Variants in PDPK1 observed in about 807,000 individuals in gnomAD.
The protein encoded by PDPK1 is 3-phosphoinositide-dependent protein kinase 1.
In PDPK1, 7 loss-of-function variants were observed where a neutral mutation model predicts 39.8. That is an observed-to-expected ratio of 0.18 (90% CI 0.10 to 0.33). PDPK1 has a LOEUF of 0.33. Among genes scored for constraint, PDPK1 ranks in the 10% least tolerant of loss-of-function variants. The pLI, the probability that PDPK1 is intolerant of heterozygous loss-of-function variation, is 1.00. For missense variants in PDPK1, 182 were observed against 384.7 expected (o/e 0.47, Z 4.41); for synonymous variants, 118 against 159.1 (o/e 0.74, Z 1.95).
At chr16:2,553,073 C>T (rs1329867270) in intron 1 of PDPK1, among the ~76,000 whole-genome samples, 1 of 145,804 alleles carries the variant, frequency 6.9e-6, no homozygotes, top group Non-Finnish European at 1.5e-5. Flanking sequence ...GTGATCAGGT[C>T]ATAACCAGGG....
chr16:2,597,164 A>T lies in PDPK1; in HGVS notation c.1443A>T (p.Gly481=). 1 of 1,574,854 alleles carries T rather than the reference A, an allele frequency of 6.3e-7. No individual in the cohort carries two copies. The highest frequency in any genetic ancestry group is 8.7e-7 in the Non-Finnish European group (1 of 1,151,546). ...ARRRQLLLTE[G]PHLYYVDPVN... The stretch of plus-strand genomic sequence containing the variant: ...GACGACAGCTGTTGCTCACAGAAGG[A>T]CCACATTTATATTATGTGGATCCTG... The change falls in exon 13 of 14, where the codon GGA becomes GGT. Residue 481 remains glycine, a synonymous_variant. Transcript: ENST00000342085. The surrounding 1 kb of genome is among the most constrained non-coding windows in gnomAD (Gnocchi z 6.3).
rs2067255564 is a variant in PDPK1, at chr16:2,603,181, A to AGAG, written c.*5415_*5417dup. ...AGTAGTCTTGTAATAAAAAGCATGT[A>AGAG]GAGTGTAGAGGTTTGCTGGCGTGGC... On this transcript the variant is annotated 3_prime_UTR_variant, in exon 14 of 14. Transcript: ENST00000342085. 4.7e-6 allele frequency: 1 copy of AGAG among 212,474 alleles called. No homozygotes were observed. The highest frequency in any genetic ancestry group is 9.5e-6 in the Non-Finnish European group (1 of 104,944). 13.2% of individuals were successfully genotyped at this position (212,474 alleles called of 1,614,324 possible).
intron 10 of PDPK1, among the ~76,000 whole-genome samples, chr16:2,585,098 G>T (rs971832613): frequency 6.6e-6 from 1 of 152,230 alleles, no homozygotes; most frequent in Non-Finnish European, 1.5e-5. Context: ...GGCTTCAGTT[G>T]TCTCCAGTCT....
chr16:2,585,095 G>C (rs544475065), intron 10 of PDPK1, among the ~76,000 whole-genome samples: 43 of 152,370 alleles, frequency 2.8e-4, no homozygotes, highest in Middle Eastern at 3.4e-3. Flanking sequence ...ACAGGCTTCA[G>C]TTGTCTCCAG....
At chr16:2,592,924 G>A (rs535337232) in intron 11 of PDPK1, 32 of 456,568 alleles carry the variant, frequency 7.0e-5, no homozygotes, top group African/African-American at 3.4e-4. Context: ...CTGCCTCCCC[G>A]TGGTGCTGGC....
Position 2,599,126 on chromosome 16 carries a change from A to G in PDPK1, c.*1359A>G, listed in dbSNP as rs941366520. The G allele has an allele frequency of 7.3e-5, 17 of 233,298 alleles. No homozygotes were observed. Among genetic ancestry groups the G allele is most frequent in the Non-Finnish European group, 1.3e-4 (15 of 118,158 alleles). 14.5% of individuals were successfully genotyped at this position (233,298 alleles called of 1,614,324 possible). ...GGCCAGATGCATTTGTCCTTTGCCTAGCTACTCCCCAGGTAGAGAGTGCTC... is the reference window on the plus strand; with the variant it reads ...GGCCAGATGCATTTGTCCTTTGCCTGGCTACTCCCCAGGTAGAGAGTGCTC... On this transcript the variant is annotated 3_prime_UTR_variant, in exon 14 of 14. Transcript: ENST00000342085.
chr16:2,544,635 G>A (rs1201812097), intron 1 of PDPK1, among the ~76,000 whole-genome samples: 5 of 151,952 alleles, frequency 3.3e-5, no homozygotes, highest in Admixed American at 3.3e-4. Context: ...CCAAGTTGGA[G>A]TGCAGTGGCG....
In PDPK1 at chr16:2,573,801, T is replaced by A. The variant is rs1456596560; in HGVS notation, c.710-3624T>A. Among the ~76,000 whole-genome samples the A allele has an allele frequency of 4.9e-5, 6 of 122,694 alleles. 1 individual carries two copies. In the East Asian group the frequency reaches 6.7e-4, roughly 14 times the overall value. The allele number at this position is 122,694 out of a possible 152,430, so 80.5% of individuals were successfully genotyped here. A position where few individuals can be genotyped will look rare whatever the true frequency, so the allele number is the denominator to read the frequency against. On this transcript the variant is annotated intron_variant, in intron 6 of 13. Transcript: ENST00000342085. Reference sequence around the variant, plus strand: ...TTTTTTCCTTTTTCTGTTTTTATTTTTTTTTTTTTTGAGACGGAATTTCGC... The same window carrying A: ...TTTTTTCCTTTTTCTGTTTTTATTTATTTTTTTTTTGAGACGGAATTTCGC...
In PDPK1 at chr16:2,597,051, C is replaced by T; in HGVS notation, c.1402-72C>T. The T allele has an allele frequency of 7.6e-7, 1 of 1,311,908 alleles. No homozygotes were observed. Among genetic ancestry groups the T allele is most frequent in the South Asian group, 1.6e-5 (1 of 61,174 alleles). The allele number at this position is 1,311,908 out of a possible 1,614,324, so 81.3% of individuals were successfully genotyped here. ...TCCTGAGCAGCTCCGAGGGGCCGCCCAGCCCTCTAGGCTCCAGGAGATGCC... is the reference window on the plus strand; with the variant it reads ...TCCTGAGCAGCTCCGAGGGGCCGCCTAGCCCTCTAGGCTCCAGGAGATGCC... On this transcript the variant is annotated intron_variant, in intron 12 of 13. Transcript: ENST00000342085. The surrounding 1 kb of genome is among the most constrained non-coding windows in gnomAD (Gnocchi z 6.3).
chr16:2,546,946 TGA>T (rs748571496), intron 1 of PDPK1, among the ~76,000 whole-genome samples: 1 of 150,572 alleles, frequency 6.6e-6, no homozygotes, highest in East Asian at 2.0e-4. Context: ...GCTCAGTGAG[TGA>T]GAGCTCTCCG....
chr16:2,576,443 G>A (rs2066711107), intron 6 of PDPK1: 1 of 144,766 alleles, frequency 6.9e-6, no homozygotes, highest in Non-Finnish European at 1.5e-5. Flanking sequence ...GGTCCTGGCA[G>A]GATGCAAATG....
In PDPK1 at chr16:2,593,093, A is replaced by G; in HGVS notation, c.1344-2700A>G. Reference sequence around the variant, plus strand: ...AGTACTATTTCCGAATCGCTTCCTCAGTGAGTCCTCCCCAGGCTGCAGGTG... The same window carrying G: ...AGTACTATTTCCGAATCGCTTCCTCGGTGAGTCCTCCCCAGGCTGCAGGTG... On this transcript the variant is annotated intron_variant, in intron 11 of 13. Transcript: ENST00000342085. This position sits in a 1 kb window ranked among gnomAD's most constrained non-coding sequence, Gnocchi z 4.2. 1 of 455,684 alleles carries G rather than the reference A, an allele frequency of 2.2e-6. No individual in the cohort carries two copies. 28.2% of individuals were successfully genotyped at this position (455,684 alleles called of 1,614,324 possible).
intron 1 of PDPK1, among the ~76,000 whole-genome samples, chr16:2,545,828 TG>T (rs1319025474): frequency 3.3e-5 from 5 of 152,166 alleles, no homozygotes; most frequent in African/African-American, 9.7e-5. Context: ...TTTGTACAGA[TG>T]GGGTCTCGCT....
chr16:2,600,223 C>G lies in PDPK1; in HGVS notation c.*2456C>G, dbSNP rs558027230. On this transcript the variant is annotated 3_prime_UTR_variant, in exon 14 of 14. Transcript: ENST00000342085. ...CTGTGTGTGCACATAGACACACTTACGTGGAATTACAGTTGTGGGTTTATC... is the reference window on the plus strand; with the variant it reads ...CTGTGTGTGCACATAGACACACTTAGGTGGAATTACAGTTGTGGGTTTATC... 2 of 233,198 alleles carry G rather than the reference C, an allele frequency of 8.6e-6. No homozygotes were observed. Among genetic ancestry groups the G allele is most frequent in the Non-Finnish European group, 1.7e-5 (2 of 118,088 alleles). The allele number at this position is 233,198 out of a possible 1,614,324, so 14.4% of individuals were successfully genotyped here. A position where few individuals can be genotyped will look rare whatever the true frequency, so the allele number is the denominator to read the frequency against.
chr16:2,555,370 A>AC (rs1340301355), intron 1 of PDPK1: 1 of 85,938 alleles, frequency 1.2e-5, no homozygotes, highest in Non-Finnish European at 2.2e-5. Context: ...GCATGATGAG[A>AC]CCCCATCTCT....
rs535986266 is a variant in PDPK1 at position 2,586,764 on chromosome 16, C to A, written c.1214C>A (p.Pro405His). 2 of 1,614,230 alleles carry A rather than the reference C, an allele frequency of 1.2e-6. No homozygotes were observed. Among genetic ancestry groups the A allele is most frequent in the African/African-American group, 2.7e-5 (2 of 75,064 alleles). ...CTGTCAGCCTCCGACACGGGCCTGC[C>A]CCAGAGGTCAGGCAGCAACATAGAG... ...HSLSASDTGL[P>H]QRSGSNIEQY... is the part of the protein sequence containing the mutation. Residue 405 changes from proline to histidine, a missense_variant, in exon 11 of 14, where the codon CCC (proline) becomes CAC (histidine). Pro to His is a moderately conservative substitution (Grantham distance 77, BLOSUM62 -2). This residue lies in a region of PDPK1 where 90 missense variants were observed against 111.9 expected (regional missense o/e 0.80). Coordinates refer to ENST00000342085, the MANE Select transcript of PDPK1 (RefSeq NM_002613.5).
intron 1 of PDPK1, among the ~76,000 whole-genome samples, chr16:2,552,084 T>G (rs1265264786): frequency 1.3e-5 from 2 of 151,576 alleles, no homozygotes; most frequent in South Asian, 2.1e-4. Context: ...TTCTCCTGCC[T>G]CAGCCTCACA....
intron 6 of PDPK1, chr16:2,576,833 G>A (rs1399225423): frequency 5.1e-6 from 1 of 195,180 alleles, no homozygotes; most frequent in Non-Finnish European, 1.0e-5. Context: ...GAGGCTGGGA[G>A]GTTCTCTCAG....
In PDPK1 at chr16:2,601,246, T is replaced by G. The variant is rs2067209162; in HGVS notation, c.*3479T>G. 1 of 234,406 alleles carries G rather than the reference T, an allele frequency of 4.3e-6. No homozygotes were observed. The highest frequency in any genetic ancestry group is 6.0e-5 in the East Asian group (1 of 16,560). The allele number at this position is 234,406 out of a possible 1,614,324, so 14.5% of individuals were successfully genotyped here. A position where few individuals can be genotyped will look rare whatever the true frequency, so the allele number is the denominator to read the frequency against. On this transcript the variant is annotated 3_prime_UTR_variant, in exon 14 of 14. Coordinates refer to ENST00000342085, the MANE Select transcript of PDPK1 (RefSeq NM_002613.5). ...GTAGCAGAACCACCTTAGTTGTGTC[T>G]TACAGATTCTGAACAAATCGGTTTC...
Sources: gnomAD v4.1 joint callset for allele counts (sites outside exome capture counted in the v4.1 genomes callset) on GRCh38, gnomAD v4.1.1 for gene constraint, gnomAD v4.1.1 regional missense constraint, Gnocchi (gnomAD v3.1) non-coding constraint, MANE v1.5 for transcripts, NCBI Gene and HGNC (gene_info 2026-07-23, HGNC 2026-07-21) for gene names.